The following HDAC9 variants were observed in gnomAD, a reference collection of about 807,000 sequenced individuals.
The protein encoded by HDAC9 is MEF-2 interacting transcription repressor (MITR) protein.
HDAC9 carries 41 observed loss-of-function variants against 139.4 expected under a neutral mutation model. The ratio of observed to expected loss-of-function variants is 0.29; its 90% confidence interval spans 0.23 to 0.38. The LOEUF (loss-of-function observed/expected upper bound fraction) is 0.38, where lower values mean the gene tolerates loss of function less well. HDAC9 is among the 10% of genes least tolerant of loss of function. The probability of loss-of-function intolerance (pLI) is 1.00; values close to 1 mark genes in which losing one functional copy is unlikely to be tolerated. For missense variants in HDAC9, 1,147 were observed against 1,297.0 expected (o/e 0.88, Z 1.78); for synonymous variants, 517 against 476.2 (o/e 1.09, Z -1.12).
At chr7:18,908,067 T>A (rs2129287216) in intron 22 of HDAC9, among the ~76,000 whole-genome samples, 1 of 152,210 alleles carries the variant, frequency 6.6e-6, no homozygotes, top group East Asian at 1.9e-4. Context: ...GGACCATTTT[T>A]AAATGTCACA....
intron 22 of HDAC9, 76 bp from the exon 23 acceptor site, chr7:18,935,733 C>T (rs1781586760): frequency 7.4e-7 from 1 of 1,350,246 alleles, no homozygotes; most frequent in Non-Finnish European, 1.0e-6. Context: ...ACTCAAAATA[C>T]ATGCTCAATG....
intron 22 of HDAC9, among the ~76,000 whole-genome samples, chr7:18,882,660 TG>T (rs987454593): frequency 8.7e-5 from 13 of 148,840 alleles, no homozygotes; most frequent in Non-Finnish European, 1.6e-4. Context: ...AAAAAAAAAG[TG>T]GGTGGGGAAG....
intron 22 of HDAC9, among the ~76,000 whole-genome samples, chr7:18,914,245 C>T (rs1802993588): frequency 6.6e-6 from 1 of 151,596 alleles, no homozygotes; most frequent in South Asian, 2.1e-4. Context: ...ACTTCCCACC[C>T]TCCAGAAATA....
At chr7:18,790,253 T>C (rs1792181562) in intron 16 of HDAC9, among the ~76,000 whole-genome samples, 1 of 152,032 alleles carries the variant, frequency 6.6e-6, no homozygotes, top group African/African-American at 2.4e-5. Context: ...GAGTGTGCCC[T>C]CAAAATTTAT....
rs145709166 is a variant in HDAC9 at position 18,742,803 on chromosome 7, T to G, written c.1910-6202T>G. Among the ~76,000 whole-genome samples, 16 of 152,292 alleles carry G rather than the reference T, an allele frequency of 1.1e-4. No homozygotes were observed. In the East Asian group the frequency reaches 2.9e-3, roughly 28 times the overall value. On this transcript the variant is annotated intron_variant, in intron 13 of 25. Coordinates refer to ENST00000686413, the MANE Select transcript of HDAC9 (RefSeq NM_178425.4). ...ATTCCTTTCTTTATTGCCTCCAGTA[T>G]AGATTTTAATTTTGCTACTCTTTAA...
At chr7:18,604,283 G>T (rs979726574) in intron 6 of HDAC9, among the ~76,000 whole-genome samples, 48 of 152,060 alleles carry the variant, frequency 3.2e-4, no homozygotes, top group African/African-American at 1.2e-3. Flanking sequence ...AGAGTATTGG[G>T]GAATTCTGTT....
At chr7:18,396,946 A>T (rs949435725) in intron 1 of HDAC9, among the ~76,000 whole-genome samples, 1 of 151,706 alleles carries the variant, frequency 6.6e-6, no homozygotes, top group Non-Finnish European at 1.5e-5. Flanking sequence ...ACAATGTAAT[A>T]CCTTCTCTCC....
chr7:18,482,884 A>G (rs1795687636), intron 1 of HDAC9, among the ~76,000 whole-genome samples: 1 of 152,132 alleles, frequency 6.6e-6, no homozygotes, highest in Non-Finnish European at 1.5e-5. Context: ...AAGAACTAAC[A>G]CTTGTCAAAG....
At chr7:18,424,891 A>G (rs1789968127) in intron 1 of HDAC9, among the ~76,000 whole-genome samples, 1 of 152,180 alleles carries the variant, frequency 6.6e-6, no homozygotes, top group Non-Finnish European at 1.5e-5. Context: ...CAACAGAGCG[A>G]GACTATATCT....
chr7:18,264,256 C>A (rs1404705198), intron 2 of HDAC9, among the ~76,000 whole-genome samples: 1 of 151,950 alleles, frequency 6.6e-6, no homozygotes, highest in Non-Finnish European at 1.5e-5. Context: ...CCAGGCTAAG[C>A]CATATTTGCT....
chr7:18,567,517 T>C (rs563131199), intron 2 of HDAC9, among the ~76,000 whole-genome samples: 1 of 152,320 alleles, frequency 6.6e-6, no homozygotes, highest in South Asian at 2.1e-4. Flanking sequence ...CTGAATATTC[T>C]ACTGGTCTAA....
intron 6 of HDAC9, among the ~76,000 whole-genome samples, chr7:18,610,430 C>T (rs894133588): frequency 2.6e-5 from 4 of 152,106 alleles, no homozygotes; most frequent in Non-Finnish European, 5.9e-5. Flanking sequence ...CTAGGCTCAC[C>T]TTTTCACAGT....
intron 13 of HDAC9, among the ~76,000 whole-genome samples, chr7:18,746,652 G>A (rs1410919449): frequency 6.6e-6 from 1 of 152,126 alleles, no homozygotes; most frequent in Admixed American, 6.5e-5. Context: ...AGCTTTAGTG[G>A]AAATATCTGA....
chr7:18,295,859 C>G (rs184126347), intron 1 of HDAC9, among the ~76,000 whole-genome samples: 10 of 152,202 alleles, frequency 6.6e-5, no homozygotes, highest in Non-Finnish European at 7.4e-5. Flanking sequence ...AGGGATGCTG[C>G]TGAATATCCT....
chr7:18,639,115 T>C (rs981780997), intron 8 of HDAC9, among the ~76,000 whole-genome samples: 1 of 152,068 alleles, frequency 6.6e-6, no homozygotes, highest in Non-Finnish European at 1.5e-5. Flanking sequence ...TACAAATGCT[T>C]TTAAAAAAGG....
intron 22 of HDAC9, among the ~76,000 whole-genome samples, chr7:18,923,625 C>A (rs145347211): frequency 1.2e-3 from 180 of 152,104 alleles, no homozygotes; most frequent in East Asian, 3.1e-3. Context: ...AAGTGTTTGA[C>A]CTAAAATGTC....
At chr7:18,873,696 T>C (rs983459720) in intron 21 of HDAC9, among the ~76,000 whole-genome samples, 1 of 152,204 alleles carries the variant, frequency 6.6e-6, no homozygotes, top group African/African-American at 2.4e-5. Flanking sequence ...AATTTGAATT[T>C]TTATGATGGC....
At chr7:18,738,691 C>A (rs1044006173) in intron 13 of HDAC9, among the ~76,000 whole-genome samples, 3 of 152,176 alleles carry the variant, frequency 2.0e-5, no homozygotes, top group Non-Finnish European at 2.9e-5. Context: ...CTGCCCTTAA[C>A]ACTTTTTCCT....
At chr7:18,102,310 T>C (rs1343584004) in intron 1 of HDAC9, among the ~76,000 whole-genome samples, 1 of 152,088 alleles carries the variant, frequency 6.6e-6, no homozygotes, top group Non-Finnish European at 1.5e-5. Flanking sequence ...GCAATTTGAG[T>C]TTTTAATGTA....
Sources: gnomAD v4.1 joint callset for allele counts (sites outside exome capture counted in the v4.1 genomes callset) on GRCh38, gnomAD v4.1.1 for gene constraint, MANE v1.5 for transcripts, NCBI Gene and HGNC (gene_info 2026-07-23, HGNC 2026-07-21) for gene names.